ACACA: variants seen among roughly 807,000 people sequenced by gnomAD.
ACACA encodes the protein acetyl-CoA carboxylase alpha, also known as acetyl-CoA carboxylase 1.
In ACACA, 103 loss-of-function variants were observed where a neutral mutation model predicts 296.1. The observed-to-expected ratio is 0.35, with a 90% CI of 0.30 to 0.41. The LOEUF is 0.41. Among genes scored for constraint, ACACA ranks in the 10% least tolerant of loss-of-function variants. The pLI, the probability that ACACA is intolerant of heterozygous loss-of-function variation, is 1.00. For synonymous variants in ACACA, 953 were observed against 1,038.6 expected, an observed-to-expected ratio of 0.92 and a Z score of 1.58; for missense variants, 1,554 against 2,989.7, an observed-to-expected ratio of 0.52 and a Z score of 11.20.
At chr17:37,185,693 T>C (rs1455192214) in intron 39 of ACACA, among the ~76,000 whole-genome samples, 2 of 151,986 alleles carry the variant, frequency 1.3e-5, no homozygotes, top group Non-Finnish European at 2.9e-5. Context: ...CTCAGCCTCC[T>C]GAGTAGCTGG....
intron 3 of ACACA, among the ~76,000 whole-genome samples, chr17:37,326,293 T>C (rs1206287784): frequency 6.6e-6 from 1 of 151,400 alleles, no homozygotes; most frequent in Middle Eastern, 3.2e-3. Context: ...CTCAGCACTT[T>C]GGGAGGCCAA....
At chr17:37,217,932 C>T (rs926292277) in intron 29 of ACACA, among the ~76,000 whole-genome samples, 1 of 151,396 alleles carries the variant, frequency 6.6e-6, no homozygotes, top group Admixed American at 6.6e-5. Flanking sequence ...GGTTTGTTAA[C>T]CTCAATTGGG....
At position 37,359,881 on chromosome 17, in the gene ACACA, G is replaced by A. The variant is rs531562334; in HGVS notation, c.39-20031C>T. Among the ~76,000 whole-genome samples, 4 of 152,168 alleles carry A rather than the reference G, an allele frequency of 2.6e-5. No individual in the cohort carries two copies. In the South Asian group the frequency reaches 6.2e-4, roughly 24 times the overall value. On this transcript the variant is annotated intron_variant, in intron 1 of 55. Transcript: ENST00000616317. Reference sequence around the variant, plus strand: ...TGTTATACATGCTGGATCCTGGCGTGTTGAGGAGAAGCCTCAGTAAACGAA... The same window carrying A: ...TGTTATACATGCTGGATCCTGGCGTATTGAGGAGAAGCCTCAGTAAACGAA...
At position 37,339,860 on chromosome 17, in the gene ACACA, A is replaced by AAG; in HGVS notation, c.39-12_39-11dup. Reference sequence around the variant, plus strand: ...CCACTTCCAAAAAGACCTAGAGAGAAAGAGAAAGATTTTAAGGTTTTTTTT... The same window carrying AAG: ...CCACTTCCAAAAAGACCTAGAGAGAAAGAGAGAAAGATTTTAAGGTTTTTTTT... On this transcript the variant is annotated splice_polypyrimidine_tract_variant and intron_variant, in intron 1 of 55. Transcript: ENST00000616317. 1 of 1,281,024 alleles carries AAG rather than the reference A, an allele frequency of 7.8e-7. No homozygotes were observed. The highest frequency in any genetic ancestry group is 1.1e-6 in the Non-Finnish European group (1 of 896,978). The allele number at this position is 1,281,024 out of a possible 1,614,324, so 79.4% of individuals were successfully genotyped here.
At chr17:37,382,911 C>G (rs1035446568) in intron 1 of ACACA, among the ~76,000 whole-genome samples, 1 of 151,964 alleles carries the variant, frequency 6.6e-6, no homozygotes, top group Admixed American at 6.6e-5. Flanking sequence ...GAGGCACGCG[C>G]TTGTAGTCCC....
intron 1 of ACACA, among the ~76,000 whole-genome samples, chr17:37,381,873 C>A (rs369154486): frequency 1.3e-5 from 2 of 152,086 alleles, no homozygotes; most frequent in African/African-American, 2.4e-5. Flanking sequence ...GTGATCTGCC[C>A]GCCTTGGCCT....
At chr17:37,129,775 G>A (rs2075001680) in intron 46 of ACACA, among the ~76,000 whole-genome samples, 1 of 152,120 alleles carries the variant, frequency 6.6e-6, no homozygotes, top group South Asian at 2.1e-4. Flanking sequence ...TATTACAGAG[G>A]AGAAAACCCA....
intron 41 of ACACA, among the ~76,000 whole-genome samples, chr17:37,169,615 A>G (rs1364187491): frequency 2.0e-5 from 3 of 152,170 alleles, no homozygotes; most frequent in African/African-American, 4.8e-5. Flanking sequence ...TTATATACAT[A>G]ATGGAGATTT....
chr17:37,382,929 C>T (rs2050368619), intron 1 of ACACA, among the ~76,000 whole-genome samples: 3 of 152,114 alleles, frequency 2.0e-5, no homozygotes, highest in East Asian at 1.9e-4. Flanking sequence ...CCCAGCTACT[C>T]GGGAGGCTGA....
Position 37,200,459 on chromosome 17 carries a change from T to C in ACACA, c.4081A>G (p.Ile1361Val). The C allele has an allele frequency of 6.2e-7, 1 of 1,613,402 alleles. No homozygotes were observed. Among genetic ancestry groups the C allele is most frequent in the Non-Finnish European group, 8.5e-7 (1 of 1,179,372 alleles). ...GCAACCAGGAAAGTAAGGCGCCGGA[T>C]CCCATGGTCAACCAGGGTAGCTTTC... is the stretch of plus-strand genomic sequence containing the variant. ...QNKATLVDHG[I>V]RRLTFLVAQK... The change falls in exon 34 of 56, where the codon ATC becomes GTC. Residue 1361 changes from isoleucine (I) to valine (V), a missense_variant. Physicochemically the swap from Ile to Val is conservative, Grantham distance 29. Coordinates refer to ENST00000616317, the MANE Select transcript of ACACA (RefSeq NM_198834.3).
chr17:37,303,952 C>A (rs1477893567), intron 3 of ACACA, among the ~76,000 whole-genome samples: 1 of 152,234 alleles, frequency 6.6e-6, no homozygotes, highest in Non-Finnish European at 1.5e-5. Context: ...TCTGCATTCT[C>A]ACAAACCTTT....
chr17:37,381,610 A>G (rs2050263083), intron 1 of ACACA, among the ~76,000 whole-genome samples: 1 of 146,122 alleles, frequency 6.8e-6, no homozygotes, highest in Non-Finnish European at 1.5e-5. Context: ...ATTCCATAGT[A>G]TGTCTCTTCC....
chr17:37,098,146 C>T (rs966367938), intron 52 of ACACA, among the ~76,000 whole-genome samples, 162 bp from the exon 53 acceptor site: 2 of 152,200 alleles, frequency 1.3e-5, no homozygotes, highest in Non-Finnish European at 2.9e-5. Context: ...TAACAGGGCC[C>T]TACAAGATGC....
chr17:37,181,498 T>C, intron 39 of ACACA, 142 bp from the exon 40 acceptor site: 1 of 829,174 alleles, frequency 1.2e-6, no homozygotes, highest in Non-Finnish European at 2.0e-6. Flanking sequence ...CTCTTAACAC[T>C]GGGTACTTGG....
chr17:37,224,938 G>T, intron 27 of ACACA, 54 bp downstream of exon 27: 1 of 765,914 alleles, frequency 1.3e-6, no homozygotes, highest in Non-Finnish European at 2.0e-6. Context: ...GAATAAAGGA[G>T]GTAAGAGTCC....
chr17:37,338,213 C>T (rs910186806), intron 2 of ACACA, among the ~76,000 whole-genome samples: 5 of 143,150 alleles, frequency 3.5e-5, no homozygotes, highest in African/African-American at 1.3e-4. Flanking sequence ...GGTGACAGAG[C>T]GAGACTCCGT....
intron 1 of ACACA, among the ~76,000 whole-genome samples, chr17:37,382,167 G>T (rs930118410): frequency 6.6e-6 from 1 of 151,866 alleles, no homozygotes; most frequent in East Asian, 1.9e-4. Flanking sequence ...CAAGAAGCAG[G>T]ATTGTTGCAT....
chr17:37,092,075 C>T (rs1201564122), intron 54 of ACACA, among the ~76,000 whole-genome samples: 1 of 151,636 alleles, frequency 6.6e-6, no homozygotes, highest in Non-Finnish European at 1.5e-5. Context: ...TTGCTGGAGT[C>T]CAGGAGTTTC....
intron 1 of ACACA, chr17:37,379,015 T>C (rs1156437781): frequency 3.5e-5 from 42 of 1,208,898 alleles, no homozygotes; most frequent in Non-Finnish European, 4.6e-5. Flanking sequence ...GAGGCTGGAG[T>C]GAGCCATGAT....
Sources: allele counts gnomAD v4.1 joint callset (sites outside exome capture counted in the v4.1 genomes callset), GRCh38; gene constraint gnomAD v4.1.1; transcripts MANE v1.5; gene names NCBI Gene and HGNC (gene_info 2026-07-23, HGNC 2026-07-21).